CPVL: variants seen among roughly 807,000 people sequenced by gnomAD.
The protein encoded by CPVL is probable serine carboxypeptidase CPVL.
In CPVL, 51 loss-of-function variants were observed where a neutral mutation model predicts 63.7. The observed-to-expected ratio is 0.80, with a 90% CI of 0.64 to 1.01. The LOEUF is 1.01. Ranked by LOEUF, CPVL falls within the 50% of genes least tolerant of loss-of-function variation. CPVL has a pLI of 0.00. For missense variants in CPVL, 530 were observed against 573.1 expected (o/e 0.92, Z 0.77); for synonymous variants, 195 against 206.0 (o/e 0.95, Z 0.46).
intron 6 of CPVL, among the ~76,000 whole-genome samples, chr7:29,090,093 C>A (rs1785617185): frequency 1.3e-5 from 2 of 152,162 alleles, no homozygotes; most frequent in Non-Finnish European, 1.5e-5. Flanking sequence ...GAACTCCTGA[C>A]CTCAGGTGAT....
intron 11 of CPVL, among the ~76,000 whole-genome samples, chr7:29,051,766 CATT>C (rs1344934425): frequency 1.3e-5 from 2 of 151,906 alleles, no homozygotes; most frequent in African/African-American, 4.8e-5. Context: ...GAAAAGAAGT[CATT>C]ATATGAAAAA....
intron 4 of CPVL, among the ~76,000 whole-genome samples, chr7:29,181,726 G>C (rs1356909058): frequency 6.6e-6 from 1 of 152,082 alleles, no homozygotes; most frequent in Non-Finnish European, 1.5e-5. Context: ...AAATAAAGTA[G>C]ACACTAATGA....
chr7:29,021,818 A>C (rs917753560), intron 12 of CPVL, among the ~76,000 whole-genome samples: 2 of 151,572 alleles, frequency 1.3e-5, no homozygotes, highest in Admixed American at 6.6e-5. Flanking sequence ...ACTACATCAC[A>C]CCTTTGGGGC....
At chr7:29,104,753 A>G (rs761863497) in intron 3 of CPVL, among the ~76,000 whole-genome samples, 3 of 152,188 alleles carry the variant, frequency 2.0e-5, no homozygotes, top group African/African-American at 7.2e-5. Flanking sequence ...GCCTCCTGCC[A>G]GAAAGTTATA....
chr7:29,051,552 C>T (rs1319306858), intron 11 of CPVL, among the ~76,000 whole-genome samples: 1 of 152,122 alleles, frequency 6.6e-6, no homozygotes, highest in East Asian at 1.9e-4. Flanking sequence ...TGCGATACCA[C>T]CTCACTCCTG....
intron 11 of CPVL, among the ~76,000 whole-genome samples, chr7:29,051,313 C>A (rs1730616122): frequency 6.6e-6 from 1 of 152,198 alleles, no homozygotes; most frequent in African/African-American, 2.4e-5. Context: ...AGTAAACAGA[C>A]AACCCACAGA....
At chr7:29,084,502 G>C (rs984152999) in intron 7 of CPVL, among the ~76,000 whole-genome samples, 5 of 152,142 alleles carry the variant, frequency 3.3e-5, no homozygotes, top group African/African-American at 1.2e-4. Context: ...GTGGTACCTA[G>C]CACATATTTT....
rs189234656 is a variant in CPVL, at chr7:29,007,457, A to T, written c.1321-11575T>A. Among the ~76,000 whole-genome samples, 57 of 152,326 alleles carry T rather than the reference A, an allele frequency of 3.7e-4. 1 individual carries two copies. Among genetic ancestry groups the T allele is most frequent in the African/African-American group, 1.3e-3 (53 of 41,592 alleles). ...GGTTTTTAAGAGAAGGGAAAAAAAC[A>T]AAAACCAGGAATTCAATTATTTTTA... On this transcript the variant is annotated intron_variant, in intron 12 of 12. Transcript: ENST00000265394.
At chr7:29,000,329 T>C (rs1784488608) in intron 12 of CPVL, among the ~76,000 whole-genome samples, 1 of 126,434 alleles carries the variant, frequency 7.9e-6, no homozygotes, top group Non-Finnish European at 1.5e-5. Flanking sequence ...CTTGGGGGTC[T>C]TGAAGGAGAT....
chr7:29,002,866 C>CAAAAA (rs373207674), intron 12 of CPVL, among the ~76,000 whole-genome samples: 3 of 124,304 alleles, frequency 2.4e-5, no homozygotes, highest in East Asian at 2.5e-4. Flanking sequence ...TATGAAAATT[C>CAAAAA]AAAAAAAAAA....
chr7:29,116,162 T>A (rs1187600834), intron 2 of CPVL, among the ~76,000 whole-genome samples: 1 of 152,210 alleles, frequency 6.6e-6, no homozygotes, highest in Non-Finnish European at 1.5e-5. Context: ...CAAGCCCTAC[T>A]GACAAGGCAC....
In CPVL at chr7:29,103,187, G is replaced by GGGGC. The variant is rs1213805455; in HGVS notation, c.289-6971_289-6970insGCCC. On this transcript the variant is annotated intron_variant, in intron 3 of 12. Transcript: ENST00000265394. Reference sequence around the variant, plus strand: ...AACAGTAAGTTAATATACTGGGGGGGGGGGGGGGGTGCTAAAAACTTGCCA... The same window carrying GGGGC: ...AACAGTAAGTTAATATACTGGGGGGGGGGCGGGGGGGGGTGCTAAAAACTTGCCA... Among the ~76,000 whole-genome samples the GGGGC allele has an allele frequency of 1.7e-4, 23 of 137,494 alleles. 1 individual carries two copies. The East Asian group carries it at 4.6e-3, about 27-fold the overall frequency. 90.2% of individuals were successfully genotyped at this position (137,494 alleles called of 152,430 possible).
chr7:29,120,891 A>C lies in CPVL; in HGVS notation c.169+2T>G. 6.2e-7 allele frequency: 1 copy of C among 1,610,484 alleles called. No individual in the cohort carries two copies. The highest frequency in any genetic ancestry group is 8.5e-7 in the Non-Finnish European group (1 of 1,178,574). ...TTTTCTGATTTAATTAAACTTACTT[A>C]CCTTTTTGGATCTTCCCAGCTTCAA... On this transcript the variant is annotated splice_donor_variant, in intron 2 of 12. Coordinates refer to ENST00000265394, the MANE Select transcript of CPVL (RefSeq NM_031311.5). LOFTEE classifies it high-confidence loss of function.
At chr7:29,077,516 G>A (rs953516891) in intron 7 of CPVL, among the ~76,000 whole-genome samples, 2 of 152,074 alleles carry the variant, frequency 1.3e-5, no homozygotes, top group South Asian at 2.1e-4. Flanking sequence ...CTTCAGCAAT[G>A]GTACACTGAG....
At chr7:29,169,559 C>T (rs986866831) in intron 5 of CPVL, among the ~76,000 whole-genome samples, 3 of 152,138 alleles carry the variant, frequency 2.0e-5, no homozygotes, top group Non-Finnish European at 4.4e-5. Flanking sequence ...GATTAAGTAG[C>T]TGACGGTGTA....
At chr7:29,124,763 T>C (rs1285356108) in intron 1 of CPVL, among the ~76,000 whole-genome samples, 3 of 152,148 alleles carry the variant, frequency 2.0e-5, no homozygotes, top group Admixed American at 6.5e-5. Flanking sequence ...ATTGGATATA[T>C]GGTTTTTTTC....
At chr7:29,145,373 A>C (rs1792410123) in intron 1 of CPVL, among the ~76,000 whole-genome samples, 1 of 152,006 alleles carries the variant, frequency 6.6e-6, no homozygotes, top group South Asian at 2.1e-4. Flanking sequence ...GTGGAAGATA[A>C]GTTACGTCCC....
At chr7:29,107,947 G>A (rs1314528165) in intron 3 of CPVL, among the ~76,000 whole-genome samples, 1 of 152,210 alleles carries the variant, frequency 6.6e-6, no homozygotes, top group Non-Finnish European at 1.5e-5. Flanking sequence ...TCTACTGCCA[G>A]AGAGAACGCC....
At chr7:29,098,794 G>A (rs1052087673) in intron 3 of CPVL, among the ~76,000 whole-genome samples, 1 of 152,214 alleles carries the variant, frequency 6.6e-6, no homozygotes, top group Non-Finnish European at 1.5e-5. Context: ...CAGGCACGGT[G>A]GCTCGTGCCT....
Sources: gnomAD v4.1 joint callset for allele counts (sites outside exome capture counted in the v4.1 genomes callset) on GRCh38, gnomAD v4.1.1 for gene constraint, MANE v1.5 for transcripts, NCBI Gene and HGNC (gene_info 2026-07-23, HGNC 2026-07-21) for gene names.